The following SNTB1 variants were observed in gnomAD, a reference collection of about 807,000 sequenced individuals.
SNTB1 encodes the protein beta-1-syntrophin.
Under a neutral mutation model 48.9 loss-of-function variants are expected in SNTB1, and 36 were observed. The ratio of observed to expected loss-of-function variants is 0.74; its 90% CI spans 0.56 to 0.97. SNTB1 has a LOEUF of 0.97. SNTB1 is among the 50% of genes least tolerant of loss of function. The pLI, the probability that SNTB1 is intolerant of heterozygous loss-of-function variation, is 0.00. For synonymous variants in SNTB1, 299 were observed against 294.6 expected, an observed-to-expected ratio of 1.01 and a Z score of -0.15; for missense variants, 786 against 703.4, an observed-to-expected ratio of 1.12 and a Z score of -1.33.
At chr8:120,754,361 T>G (rs1819277064) in intron 1 of SNTB1, among the ~76,000 whole-genome samples, 1 of 151,926 alleles carries the variant, frequency 6.6e-6, no homozygotes, top group African/African-American at 2.4e-5. Flanking sequence ...TAGCTGGGTG[T>G]GGTGGTGTAT....
intron 6 of SNTB1, among the ~76,000 whole-genome samples, chr8:120,539,459 C>T (rs1021598271): frequency 6.6e-6 from 1 of 152,226 alleles, no homozygotes; most frequent in Admixed American, 6.5e-5. Flanking sequence ...TGTAAAACCT[C>T]CTCGTAAACT....
chr8:120,748,746 T>C (rs1008154065), intron 1 of SNTB1, among the ~76,000 whole-genome samples: 4 of 152,186 alleles, frequency 2.6e-5, no homozygotes, highest in Non-Finnish European at 5.9e-5. Context: ...GACATATCCT[T>C]GTTTTATTGT....
At chr8:120,637,253 A>G in intron 2 of SNTB1, 1 of 345,998 alleles carries the variant, frequency 2.9e-6, no homozygotes, top group Non-Finnish European at 5.7e-6. Context: ...GATGGGAAAA[A>G]GTCTGCTGCT....
chr8:120,699,662 C>T (rs984414961), intron 1 of SNTB1, among the ~76,000 whole-genome samples: 13 of 152,120 alleles, frequency 8.5e-5, no homozygotes, highest in African/African-American at 1.4e-4. Context: ...TCCTTTATAG[C>T]GATGCAAAAT....
chr8:120,733,760 T>C (rs1818892085), intron 1 of SNTB1, among the ~76,000 whole-genome samples: 1 of 152,196 alleles, frequency 6.6e-6, no homozygotes, highest in South Asian at 2.1e-4. Flanking sequence ...TGCTTAGCAA[T>C]AGTAAGGAAA....
At chr8:120,810,887 T>G (rs961378035) in intron 1 of SNTB1, among the ~76,000 whole-genome samples, 1 of 151,932 alleles carries the variant, frequency 6.6e-6, no homozygotes, top group Non-Finnish European at 1.5e-5. Flanking sequence ...TGTAGGAATA[T>G]TCTAAGTTCA....
chr8:120,796,807 C>A (rs1310526800), intron 1 of SNTB1, among the ~76,000 whole-genome samples: 1 of 152,026 alleles, frequency 6.6e-6, no homozygotes. Flanking sequence ...TATAGCATTT[C>A]TATTTGAACA....
chr8:120,536,212 CACTT>C lies in SNTB1; in HGVS notation c.*2661_*2664del, dbSNP rs971954307. On this transcript the variant is annotated 3_prime_UTR_variant, in exon 7 of 7. Coordinates refer to ENST00000517992, the MANE Select transcript of SNTB1 (RefSeq NM_021021.4). Reference sequence around the variant, plus strand: ...AAGGATGTCACTGCACCAGAGGACTCACTTAACCACATCTACTGACAAATAGGCA... The same window carrying C: ...AAGGATGTCACTGCACCAGAGGACTCAACCACATCTACTGACAAATAGGCA... 2.5e-4 allele frequency: 38 copies of C among 152,300 alleles called. No individual in the cohort carries two copies. Among genetic ancestry groups the C allele is most frequent in the African/African-American group, 7.7e-4 (32 of 41,566 alleles). The allele number at this position is 152,300 out of a possible 1,614,324, so 9.4% of individuals were successfully genotyped here.
chr8:120,737,375 T>C (rs769246076), intron 1 of SNTB1, among the ~76,000 whole-genome samples: 1 of 152,162 alleles, frequency 6.6e-6, no homozygotes, highest in Non-Finnish European at 1.5e-5. Flanking sequence ...AGCTAGATAT[T>C]TGTTCTCAGT....
intron 2 of SNTB1, among the ~76,000 whole-genome samples, chr8:120,633,068 T>C (rs554933430): frequency 7.8e-4 from 119 of 152,370 alleles, no homozygotes; most frequent in African/African-American, 2.8e-3. Flanking sequence ...GATTGAAATA[T>C]ATCTAGCCAC....
At chr8:120,682,607 C>T (rs1817950042) in intron 2 of SNTB1, among the ~76,000 whole-genome samples, 1 of 152,212 alleles carries the variant, frequency 6.6e-6, no homozygotes. Context: ...CTAAGGCTAA[C>T]ATCACCTCTT....
Position 120,755,582 on chromosome 8 carries a change from T to C in SNTB1, c.571+55691A>G, listed in dbSNP as rs375183265. ...ACAGACTGTCAAAAAAGGAAACTCATAAGACGAGGAACTTCCCATCTTAAA... is the reference window on the plus strand; with the variant it reads ...ACAGACTGTCAAAAAAGGAAACTCACAAGACGAGGAACTTCCCATCTTAAA... On this transcript the variant is annotated intron_variant, in intron 1 of 6. Transcript: ENST00000517992. Among the ~76,000 whole-genome samples, 22 of 152,216 alleles carry C rather than the reference T, an allele frequency of 1.4e-4. No individual in the cohort carries two copies. In the East Asian group the frequency reaches 4.1e-3, roughly 28 times the overall value.
At chr8:120,647,326 C>G (rs1305117918) in intron 2 of SNTB1, among the ~76,000 whole-genome samples, 2 of 146,600 alleles carry the variant, frequency 1.4e-5, no homozygotes, top group African/African-American at 5.1e-5. Context: ...TCCCTCTACA[C>G]ACTGCTTTGA....
intron 2 of SNTB1, among the ~76,000 whole-genome samples, chr8:120,672,980 CT>C (rs1817780835): frequency 6.6e-5 from 10 of 152,294 alleles, no homozygotes; most frequent in Admixed American, 6.5e-4. Context: ...AGTGTGGAAT[CT>C]CCAGCAGCAA....
chr8:120,589,329 T>C (rs1228773449), intron 3 of SNTB1, among the ~76,000 whole-genome samples: 1 of 152,236 alleles, frequency 6.6e-6, no homozygotes, highest in East Asian at 1.9e-4. Context: ...TAAGCTCTGC[T>C]CAGGGATTTC....
intron 2 of SNTB1, among the ~76,000 whole-genome samples, chr8:120,682,843 C>G (rs1305637655): frequency 6.6e-6 from 1 of 151,290 alleles, no homozygotes; most frequent in Non-Finnish European, 1.5e-5. Context: ...GGTAAATTAT[C>G]CAAAAGATAA....
chr8:120,774,110 CA>C (rs1218871605), intron 1 of SNTB1, among the ~76,000 whole-genome samples: 1 of 152,200 alleles, frequency 6.6e-6, no homozygotes, highest in Non-Finnish European at 1.5e-5. Flanking sequence ...TCCAGTAAAT[CA>C]AATCCAAGTG....
intron 2 of SNTB1, among the ~76,000 whole-genome samples, chr8:120,658,684 G>A (rs907503488): frequency 6.6e-6 from 1 of 152,220 alleles, no homozygotes; most frequent in Non-Finnish European, 1.5e-5. Context: ...AGCCTTGAGC[G>A]AGTTGTAATC....
chr8:120,540,256 G>T lies in SNTB1; in HGVS notation c.1525-1287C>A, dbSNP rs192983105. Among the ~76,000 whole-genome samples, 505 of 152,222 alleles carry T rather than the reference G, an allele frequency of 3.3e-3. 2 individuals carry two copies. The highest frequency in any genetic ancestry group is 6.1e-3 in the Non-Finnish European group (418 of 68,014). ...TCTGGTCCCTTCCCCCTCCACACTG[G>T]GAAGGTCTGTGGCCCACCTCCAGGA... On this transcript the variant is annotated intron_variant, in intron 6 of 6. Transcript: ENST00000517992.
Sources: allele counts gnomAD v4.1 joint callset (sites outside exome capture counted in the v4.1 genomes callset), GRCh38; gene constraint gnomAD v4.1.1; transcripts MANE v1.5; gene names NCBI Gene and HGNC (gene_info 2026-07-23, HGNC 2026-07-21).